Variants in CCDC127 observed in about 807,000 individuals in gnomAD.
The protein encoded by CCDC127 is coiled-coil domain-containing protein 127.
CCDC127 carries 2 observed loss-of-function variants against 4.1 expected under a neutral mutation model. That is an observed-to-expected ratio of 0.49 (90% confidence interval 0.20 to 1.53). The LOEUF (loss-of-function observed/expected upper bound fraction) is 1.53, where lower values mean the gene tolerates loss of function less well. Among genes scored for constraint, CCDC127 ranks in the 40% most tolerant of loss-of-function variants. The pLI is 0.23. For missense variants in CCDC127, 271 were observed against 322.9 expected (o/e 0.84, Z 1.23); for synonymous variants, 98 against 120.4 (o/e 0.81, Z 1.22).
chr5:205,262 C>T lies in CCDC127; in HGVS notation c.*35G>A. On this transcript the variant is annotated 3_prime_UTR_variant, in exon 3 of 3. Coordinates refer to ENST00000296824, the MANE Select transcript of CCDC127 (RefSeq NM_145265.3). ...CAGAAGGCGCATGACTGCCTGGCCTCGAGTCACTAAAAGCAGTTTGATTTC... is the reference window on the plus strand; with the variant it reads ...CAGAAGGCGCATGACTGCCTGGCCTTGAGTCACTAAAAGCAGTTTGATTTC... 6.4e-7 allele frequency: 1 copy of T among 1,566,720 alleles called. No homozygotes were observed.
chr5:218,028 G>A (rs1247955258), intron 1 of CCDC127, 65 bp downstream of exon 1: 1 of 983,048 alleles, frequency 1.0e-6, no homozygotes, highest in Admixed American at 5.2e-5. Context: ...CGATCCCGGA[G>A]AACCACCCAC....
intron 2 of CCDC127, among the ~76,000 whole-genome samples, chr5:206,945 C>T (rs574174557): frequency 4.6e-5 from 7 of 152,142 alleles, no homozygotes; most frequent in Non-Finnish European, 1.0e-4. Flanking sequence ...TAACCCCTCC[C>T]CTACTAACTG....
chr5:206,729 T>A (rs1734180888), intron 2 of CCDC127, among the ~76,000 whole-genome samples: 1 of 152,264 alleles, frequency 6.6e-6, no homozygotes, highest in South Asian at 2.1e-4. Context: ...TCCGAACTGA[T>A]GCTGCTCAAT....
Position 205,244 on chromosome 5 carries a change from C to CAT in CCDC127, c.*52_*53insAT. The CAT allele has an allele frequency of 7.9e-6, 12 of 1,519,788 alleles. No homozygotes were observed. Among genetic ancestry groups the CAT allele is most frequent in the Non-Finnish European group, 1.1e-5 (12 of 1,117,692 alleles). The allele number at this position is 1,519,788 out of a possible 1,614,324, so 94.1% of individuals were successfully genotyped here. A position where few individuals can be genotyped will look rare whatever the true frequency, so the allele number is the denominator to read the frequency against. ...CGGAAGACGCCGGAGACCCAGAAGG[C>CAT]GCATGACTGCCTGGCCTCGAGTCAC... On this transcript the variant is annotated 3_prime_UTR_variant, in exon 3 of 3. Coordinates refer to ENST00000296824, the MANE Select transcript of CCDC127 (RefSeq NM_145265.3).
rs1037003221 is a variant in CCDC127 at position 203,721 on chromosome 5, C to T, written c.*1576G>A. ...TGCCTGGCCACACACTATCAAATCA[C>T]TGCACACAGGTTACTCGCGGTTCTG... On this transcript the variant is annotated 3_prime_UTR_variant, in exon 3 of 3. Coordinates refer to ENST00000296824, the MANE Select transcript of CCDC127 (RefSeq NM_145265.3). The T allele has an allele frequency of 1.3e-5, 2 of 152,304 alleles. No individual in the cohort carries two copies. The highest frequency in any genetic ancestry group is 4.8e-5 in the African/African-American group (2 of 41,472). The allele number at this position is 152,304 out of a possible 1,614,324, so 9.4% of individuals were successfully genotyped here.
At chr5:215,606 A>G (rs1370809370) in intron 2 of CCDC127, 1 of 152,064 alleles carries the variant, frequency 6.6e-6, no homozygotes, top group Non-Finnish European at 1.5e-5. Flanking sequence ...TTAGGATTGG[A>G]TGTGGACCTG....
rs1734118112 is a variant in CCDC127 at position 203,875 on chromosome 5, T to C, written c.*1422A>G. On this transcript the variant is annotated 3_prime_UTR_variant, in exon 3 of 3. Transcript: ENST00000296824. Reference sequence around the variant, plus strand: ...AATTCACACAGCAGGCCCAAGGCTGTGTCCTACCAGGGCCTGTGTGCAAGG... The same window carrying C: ...AATTCACACAGCAGGCCCAAGGCTGCGTCCTACCAGGGCCTGTGTGCAAGG... 1 of 152,218 alleles carries C rather than the reference T, an allele frequency of 6.6e-6. No homozygotes were observed. The highest frequency in any genetic ancestry group is 2.4e-5 in the African/African-American group (1 of 41,432). 9.4% of individuals were successfully genotyped at this position (152,218 alleles called of 1,614,324 possible).
Position 205,425 on chromosome 5 carries a change from AGTAT to A in CCDC127, c.651_654del (p.Tyr218ValfsTer29). On this transcript the variant is annotated frameshift_variant, in exon 3 of 3. Coordinates refer to ENST00000296824, the MANE Select transcript of CCDC127 (RefSeq NM_145265.3). LOFTEE classifies it high-confidence loss of function. ...TTGTTGGTGTTCCAGACATCACCAC[AGTAT>A]GTATCATGCTGAAATATGTCGGTGA... 1 of 1,614,224 alleles carries A rather than the reference AGTAT, an allele frequency of 6.2e-7. No homozygotes were observed. Among genetic ancestry groups the A allele is most frequent in the Non-Finnish European group, 8.5e-7 (1 of 1,180,038 alleles).
rs1335685640 is a variant in CCDC127, at chr5:197,172, A to G, written c.*8125T>C. 2 of 152,088 alleles carry G rather than the reference A, an allele frequency of 1.3e-5. No homozygotes were observed. The highest frequency in any genetic ancestry group is 4.8e-5 in the African/African-American group (2 of 41,404). 9.4% of individuals were successfully genotyped at this position (152,088 alleles called of 1,614,324 possible). A position where few individuals can be genotyped will look rare whatever the true frequency, so the allele number is the denominator to read the frequency against. ...AGAATAACAAGGCAGCATTGCCGCA[A>G]ACATGTCTCGCCTCCCGCCACAAGG... is the stretch of plus-strand genomic sequence containing the variant. On this transcript the variant is annotated 3_prime_UTR_variant, in exon 3 of 3. Transcript: ENST00000296824.
intron 2 of CCDC127, among the ~76,000 whole-genome samples, chr5:209,009 G>C (rs990633115): frequency 6.6e-6 from 1 of 152,116 alleles, no homozygotes; most frequent in South Asian, 2.1e-4. Flanking sequence ...AACACAAGAC[G>C]TAAAGAAGAA....
intron 2 of CCDC127, among the ~76,000 whole-genome samples, chr5:212,392 G>A (rs1342446370): frequency 2.7e-5 from 1 of 37,376 alleles, no homozygotes; most frequent in Non-Finnish European, 5.5e-5. Context: ...CAGCCATGAC[G>A]AGACAGCACC....
Position 203,521 on chromosome 5 carries a change from C to G in CCDC127, c.*1776G>C, listed in dbSNP as rs372767673. 6.6e-6 allele frequency: 1 copy of G among 152,380 alleles called. No individual in the cohort carries two copies. Among genetic ancestry groups the G allele is most frequent in the Admixed American group, 6.5e-5 (1 of 15,310 alleles). The allele number at this position is 152,380 out of a possible 1,614,324, so 9.4% of individuals were successfully genotyped here. ...TTCCACGGATTTCAAACAACGCATG[C>G]GTGTAAAGCGTGTACAGCTCAGGGT... On this transcript the variant is annotated 3_prime_UTR_variant, in exon 3 of 3. Transcript: ENST00000296824.
intron 1 of CCDC127, 95 bp downstream of exon 1, chr5:217,998 T>G: frequency 4.1e-6 from 3 of 737,876 alleles, no homozygotes; most frequent in Non-Finnish European, 5.1e-6. Flanking sequence ...GGTCTGGGCG[T>G]TCAGGCCCTT....
rs1734026208 is a variant in CCDC127, at chr5:199,296, G to A, written c.*6001C>T. The A allele has an allele frequency of 6.5e-6, 1 of 154,580 alleles. No individual in the cohort carries two copies. The highest frequency in any genetic ancestry group is 1.4e-5 in the Non-Finnish European group (1 of 73,024). 9.6% of individuals were successfully genotyped at this position (154,580 alleles called of 1,614,324 possible). ...GCAGGCCCAGTGGCCCCTGTGTGGT[G>A]GACGTGGCCCCTCTGTGTGGTGGAC... On this transcript the variant is annotated 3_prime_UTR_variant, in exon 3 of 3. Transcript: ENST00000296824.
At chr5:215,347 T>C (rs941458662) in intron 2 of CCDC127, 7 of 152,110 alleles carry the variant, frequency 4.6e-5, no homozygotes, top group African/African-American at 9.7e-5. Context: ...GAAGGGAAGG[T>C]AAGAATTTCA....
rs10079128 is a variant in CCDC127 at position 197,718 on chromosome 5, C to T, written c.*7579G>A. 103,236 of 156,064 alleles carry T rather than the reference C, an allele frequency of 0.66. 35,212 individuals carry two copies. The highest frequency in any genetic ancestry group is 0.74 in the Non-Finnish European group (52,902 of 71,158). The allele number at this position is 156,064 out of a possible 1,614,324, so 9.7% of individuals were successfully genotyped here. Reference sequence around the variant, plus strand: ...TTTAAAGTACAGGTCTTTTTCAAAACGGAGTCTCATGTCTTCCCTTTCTAC... The same window carrying T: ...TTTAAAGTACAGGTCTTTTTCAAAATGGAGTCTCATGTCTTCCCTTTCTAC... On this transcript the variant is annotated 3_prime_UTR_variant, in exon 3 of 3. Coordinates refer to ENST00000296824, the MANE Select transcript of CCDC127 (RefSeq NM_145265.3).
Position 199,343 on chromosome 5 carries a change from G to T in CCDC127, c.*5954C>A. The T allele has an allele frequency of 6.2e-6, 1 of 160,338 alleles. No homozygotes were observed. The allele number at this position is 160,338 out of a possible 1,614,324, so 9.9% of individuals were successfully genotyped here. ...GGACGTGGCCCCTCTGTGTGGACGT[G>T]GCCCCTCTGTGTGGTGGACGTGGCC... On this transcript the variant is annotated 3_prime_UTR_variant, in exon 3 of 3. Transcript: ENST00000296824.
chr5:205,470 C>G lies in CCDC127; in HGVS notation c.610G>C (p.Glu204Gln). 6.2e-7 allele frequency: 1 copy of G among 1,614,120 alleles called. No individual in the cohort carries two copies. The highest frequency in any genetic ancestry group is 8.5e-7 in the Non-Finnish European group (1 of 1,179,954). The change falls in exon 3 of 3, where the codon GAG becomes CAG. Residue 204 changes from glutamate (E) to glutamine (Q), a missense_variant. Coordinates refer to ENST00000296824, the MANE Select transcript of CCDC127 (RefSeq NM_145265.3). ...ASVDPVAADLEMAAGLTDIFQ... is the reference protein window; with the variant it reads ...ASVDPVAADLQMAAGLTDIFQ... ...ATGTCGGTGAGACCGGCTGCCATCT[C>G]TAGGTCAGCGGCGACGGGGTCGACG...
Position 205,619 on chromosome 5 carries a change from C to T in CCDC127, c.461G>A (p.Arg154Lys), listed in dbSNP as rs772697606. The T allele has an allele frequency of 1.9e-6, 3 of 1,614,236 alleles. No individual in the cohort carries two copies. The highest frequency in any genetic ancestry group is 2.5e-6 in the Non-Finnish European group (3 of 1,180,048). ...CLQREENWQR[R>K]ARLLLKEFEA... ...AAATTCTTTCAGCAAAAGCCTGGCTCTCCTTTGCCAGTTTTCTTCCCTTTG... is the reference window on the plus strand; with the variant it reads ...AAATTCTTTCAGCAAAAGCCTGGCTTTCCTTTGCCAGTTTTCTTCCCTTTG... The change falls in exon 3 of 3, where the codon AGA becomes AAA. Residue 154 changes from arginine (R) to lysine (K), a missense_variant. Around this residue, in one of 2 missense-constraint regions of CCDC127, gnomAD observed 265 missense variants for 270.9 expected, o/e 0.98. Coordinates refer to ENST00000296824, the MANE Select transcript of CCDC127 (RefSeq NM_145265.3).
Sources: gnomAD v4.1 joint callset for allele counts (sites outside exome capture counted in the v4.1 genomes callset) on GRCh38, gnomAD v4.1.1 for gene constraint, gnomAD v4.1.1 regional missense constraint, MANE v1.5 for transcripts, NCBI Gene and HGNC (gene_info 2026-07-23, HGNC 2026-07-21) for gene names.